Variants in CFTR observed in about 807,000 individuals in gnomAD.
CFTR encodes the protein cystic fibrosis transmembrane conductance regulator.
CFTR carries 181 observed loss-of-function variants against 171.6 expected under a neutral mutation model. The observed-to-expected ratio is 1.05, with a 90% CI of 0.93 to 1.19. The LOEUF (loss-of-function observed/expected upper bound fraction) is 1.19, where lower values mean the gene tolerates loss of function less well. Among genes scored for constraint, CFTR ranks in the 50% most tolerant of loss-of-function variants. CFTR has a pLI of 0.00. For synonymous variants in CFTR, 583 were observed against 608.0 expected (o/e 0.96, Z 0.60); for missense variants, 1,968 against 1,734.7 (o/e 1.13, Z -2.39).
intron 1 of CFTR, among the ~76,000 whole-genome samples, chr7:117,485,699 T>G (rs939241740): frequency 3.9e-5 from 6 of 152,152 alleles, no homozygotes; most frequent in Admixed American, 3.3e-4. Flanking sequence ...AAAATCTTTT[T>G]TCAGAGTTTT....
chr7:117,640,845 A>G (rs1792901128), intron 22 of CFTR, among the ~76,000 whole-genome samples: 1 of 152,206 alleles, frequency 6.6e-6, no homozygotes, highest in African/African-American at 2.4e-5. Flanking sequence ...TCATCTGCTC[A>G]TAAATCCATC....
At chr7:117,605,673 G>A (rs1388221896) in intron 17 of CFTR, among the ~76,000 whole-genome samples, 4 of 152,082 alleles carry the variant, frequency 2.6e-5, no homozygotes, top group Admixed American at 2.6e-4. Context: ...GACAATGAGA[G>A]CTGAGGGGAA....
At chr7:117,628,258 A>G (rs1176484225) in intron 22 of CFTR, among the ~76,000 whole-genome samples, 4 of 152,118 alleles carry the variant, frequency 2.6e-5, no homozygotes, top group South Asian at 2.1e-4. Flanking sequence ...GTTATTTACT[A>G]TATTTATTAA....
chr7:117,498,744 T>C (rs1399203001), intron 1 of CFTR, among the ~76,000 whole-genome samples: 1 of 152,060 alleles, frequency 6.6e-6, no homozygotes, highest in Non-Finnish European at 1.5e-5. Context: ...AGCTGTGCTC[T>C]AGAAGTTTGG....
Position 117,540,366 on chromosome 7 carries a change from C to T in CFTR, c.1116+20C>T. 1 of 1,602,698 alleles carries T rather than the reference C, an allele frequency of 6.2e-7. No homozygotes were observed. Among genetic ancestry groups the T allele is most frequent in the East Asian group, 2.2e-5 (1 of 44,784 alleles). On this transcript the variant is annotated intron_variant, in intron 8 of 26. Transcript: ENST00000003084. ...ATACAGGTAATGTACCATAATGCTG[C>T]ATTATATACTATGATTTAAATAATC...
chr7:117,540,019 G>T (rs1799021138), intron 7 of CFTR, 81 bp from the exon 8 acceptor site: 2 of 1,196,262 alleles, frequency 1.7e-6, no homozygotes, highest in East Asian at 2.5e-5. Flanking sequence ...TAGAGACCAT[G>T]CTCAGATCTT....
At chr7:117,617,738 T>G (rs1792516239) in intron 21 of CFTR, among the ~76,000 whole-genome samples, 1 of 152,088 alleles carries the variant, frequency 6.6e-6, no homozygotes, top group Non-Finnish European at 1.5e-5. Flanking sequence ...CCTCCCTCTT[T>G]GTGGGATCTT....
intron 11 of CFTR, among the ~76,000 whole-genome samples, chr7:117,586,794 G>C (rs1371348020): frequency 6.6e-6 from 1 of 151,718 alleles, no homozygotes; most frequent in Non-Finnish European, 1.5e-5. Context: ...TTTAAGGCGA[G>C]AGTTTACTAC....
At position 117,585,078 on chromosome 7, in the gene CFTR, C is replaced by G. The variant is rs932451948; in HGVS notation, c.1585-2661C>G. ...TATCTTCTATCTGTTTCTTACTGTCCCCTTCAGTATTCTTGTCCTTTTTTC... is the reference window on the plus strand; with the variant it reads ...TATCTTCTATCTGTTTCTTACTGTCGCCTTCAGTATTCTTGTCCTTTTTTC... On this transcript the variant is annotated intron_variant, in intron 11 of 26. Transcript: ENST00000003084. Among the ~76,000 whole-genome samples the G allele has an allele frequency of 2.0e-5, 3 of 151,602 alleles. No homozygotes were observed. In the South Asian group the frequency reaches 6.2e-4, roughly 32 times the overall value.
chr7:117,587,324 G>A (rs1312884630), intron 11 of CFTR, among the ~76,000 whole-genome samples: 1 of 152,076 alleles, frequency 6.6e-6, no homozygotes, highest in Non-Finnish European at 1.5e-5. Flanking sequence ...TTCTTAGGAG[G>A]TTTGTTCATT....
chr7:117,589,719 A>G (rs531720676), intron 12 of CFTR, among the ~76,000 whole-genome samples: 1 of 152,192 alleles, frequency 6.6e-6, no homozygotes, highest in South Asian at 2.1e-4. Flanking sequence ...CTGAAACTAC[A>G]AGGAACAAAA....
intron 11 of CFTR, among the ~76,000 whole-genome samples, chr7:117,573,847 G>T (rs1235583871): frequency 6.6e-6 from 1 of 151,956 alleles, no homozygotes; most frequent in Non-Finnish European, 1.5e-5. Flanking sequence ...TATGTAACAG[G>T]TCAATTCATA....
intron 23 of CFTR, among the ~76,000 whole-genome samples, chr7:117,649,837 A>G (rs980756243): frequency 2.0e-5 from 3 of 152,058 alleles, no homozygotes; most frequent in Non-Finnish European, 4.4e-5. Flanking sequence ...ATGAGACCAT[A>G]TGTTGGGAGA....
intron 9 of CFTR, among the ~76,000 whole-genome samples, chr7:117,548,388 A>T (rs1030870026): frequency 2.8e-5 from 4 of 144,216 alleles, no homozygotes; most frequent in African/African-American, 5.1e-5. Flanking sequence ...ACATGTATGT[A>T]TTCAGTCTTT....
At chr7:117,626,684 A>G (rs1792655985) in intron 21 of CFTR, among the ~76,000 whole-genome samples, 1 of 151,980 alleles carries the variant, frequency 6.6e-6, no homozygotes, top group Non-Finnish European at 1.5e-5. Context: ...TTATTCATGT[A>G]TTGTTCAAAT....
chr7:117,588,198 TTAGGCTTCTTGGTATAGATAAACA>T (rs1418936679), intron 12 of CFTR, among the ~76,000 whole-genome samples: 1 of 152,082 alleles, frequency 6.6e-6, no homozygotes, highest in East Asian at 1.9e-4. Flanking sequence ...CACACCAGCT[TTAGGCTTCTTGGTATAGATAAACA>T]TACATTTTCA....
intron 19 of CFTR, 77 bp downstream of exon 19, chr7:117,610,746 C>T: frequency 6.6e-7 from 1 of 1,513,338 alleles, no homozygotes; most frequent in Non-Finnish European, 9.0e-7. Context: ...TGTTAATCTA[C>T]TTAAAAAAAA....
Position 117,511,789 on chromosome 7 carries a change from A to T in CFTR, c.273+2647A>T, listed in dbSNP as rs536945334. ...ATTTAGATAAACATAGTGGCCATTTAGATTATTGCAGTTTTTTCAGGATAT... is the reference window on the plus strand; with the variant it reads ...ATTTAGATAAACATAGTGGCCATTTTGATTATTGCAGTTTTTTCAGGATAT... On this transcript the variant is annotated intron_variant, in intron 3 of 26. Transcript: ENST00000003084. 5.3e-5 allele frequency among the ~76,000 whole-genome samples: 8 copies of T among 152,286 alleles called. No homozygotes were observed. In the East Asian group the frequency reaches 5.8e-4, roughly 11 times the overall value.
intron 3 of CFTR, among the ~76,000 whole-genome samples, chr7:117,517,096 AC>A (rs1321045216): frequency 6.6e-6 from 1 of 152,136 alleles, no homozygotes. Flanking sequence ...CAGGCAACTT[AC>A]GGAATGGGAG....
Sources: gnomAD v4.1 joint callset for allele counts (sites outside exome capture counted in the v4.1 genomes callset) on GRCh38, gnomAD v4.1.1 for gene constraint, MANE v1.5 for transcripts, NCBI Gene and HGNC (gene_info 2026-07-23, HGNC 2026-07-21) for gene names.